PLAAT2: variants seen among roughly 807,000 people sequenced by gnomAD.
PLAAT2 encodes phospholipase A and acyltransferase 2.
In PLAAT2, 12 loss-of-function variants were observed where a neutral mutation model predicts 12.8. The ratio of observed to expected loss-of-function variants is 0.94; its 90% CI spans 0.60 to 1.52. The LOEUF (loss-of-function observed/expected upper bound fraction) is 1.52, where lower values mean the gene tolerates loss of function less well. Ranked by LOEUF, PLAAT2 falls within the 40% of genes most tolerant of loss-of-function variation. The pLI is 0.00. For synonymous variants in PLAAT2, 79 were observed against 86.8 expected (o/e 0.91, Z 0.50); for missense variants, 166 against 208.1 (o/e 0.80, Z 1.24).
In PLAAT2 at chr11:63,563,315, C is replaced by G. The variant is rs1390985591; in HGVS notation, c.9+1G>C. ...CTTTAAAACCGTTTCTGGGGACTTA[C>G]CAAAGCCATCCTTCCTTCAAGATGA... is the stretch of plus-strand genomic sequence containing the variant. On this transcript the variant is annotated splice_donor_variant, in intron 1 of 3. Transcript: ENST00000255695. LOFTEE classifies it high-confidence loss of function. The G allele has an allele frequency of 6.2e-7, 1 of 1,614,124 alleles. No homozygotes were observed.
At chr11:63,553,701 G>A (rs544319260) in intron 3 of PLAAT2, among the ~76,000 whole-genome samples, 1 of 152,136 alleles carries the variant, frequency 6.6e-6, no homozygotes, top group Non-Finnish European at 1.5e-5. Context: ...CCCCAGCAAG[G>A]ACAGAGGGGC....
chr11:63,561,795 TA>T (rs1446996308), intron 1 of PLAAT2, among the ~76,000 whole-genome samples: 2 of 150,930 alleles, frequency 1.3e-5, no homozygotes, highest in South Asian at 4.2e-4. Flanking sequence ...CCTCGAAATT[TA>T]AAAAAAAGTA....
intron 3 of PLAAT2, among the ~76,000 whole-genome samples, chr11:63,555,207 G>C (rs1362449125): frequency 1.3e-5 from 2 of 152,166 alleles, no homozygotes; most frequent in Non-Finnish European, 2.9e-5. Flanking sequence ...CAAAGGACTG[G>C]CTCTCAGGTC....
At chr11:63,554,685 C>A (rs1355068960) in intron 3 of PLAAT2, among the ~76,000 whole-genome samples, 1 of 150,434 alleles carries the variant, frequency 6.6e-6, no homozygotes, top group Non-Finnish European at 1.5e-5. Flanking sequence ...TGACAAGTGA[C>A]AAGGCTCAGA....
intron 3 of PLAAT2, 147 bp downstream of exon 3, chr11:63,558,245 A>T (rs2017485291): frequency 3.5e-6 from 3 of 863,892 alleles, no homozygotes; most frequent in South Asian, 1.7e-5. Flanking sequence ...CCCAAATGTG[A>T]CACCCTCAAG....
At chr11:63,564,639 G>T (rs1488412175), upstream of PLAAT2, among the ~76,000 whole-genome samples, 2 of 152,190 alleles carry the variant, frequency 1.3e-5, no homozygotes, top group African/African-American at 2.4e-5. Flanking sequence ...ATTCTCCTCT[G>T]AGTTGCAGTG....
chr11:63,561,623 C>T (rs534249517), intron 1 of PLAAT2, among the ~76,000 whole-genome samples: 5 of 109,826 alleles, frequency 4.6e-5, no homozygotes, highest in Admixed American at 2.9e-4. Flanking sequence ...CCAGCCTGGG[C>T]GATAGAGTGA....
At chr11:63,564,457 TAAAC>T (rs926389964), upstream of PLAAT2, among the ~76,000 whole-genome samples, 2 of 152,076 alleles carry the variant, frequency 1.3e-5, no homozygotes, top group Non-Finnish European at 2.9e-5. Flanking sequence ...CTTCAGGCTA[TAAAC>T]AAACAAACAA....
intron 3 of PLAAT2, 31 bp from the exon 4 acceptor site, chr11:63,553,096 AG>A: frequency 6.8e-7 from 1 of 1,461,892 alleles, no homozygotes. Context: ...GAGCACACTC[AG>A]CATCAGGGCG....
At chr11:63,562,209 G>A (rs1177691151) in intron 1 of PLAAT2, among the ~76,000 whole-genome samples, 1 of 152,190 alleles carries the variant, frequency 6.6e-6, no homozygotes, top group Non-Finnish European at 1.5e-5. Context: ...GATGGTCAAA[G>A]GGGACATTAG....
intron 3 of PLAAT2, 77 bp from the exon 4 acceptor site, chr11:63,553,142 A>T (rs1356114099): frequency 1.2e-6 from 1 of 862,076 alleles, no homozygotes; most frequent in East Asian, 2.5e-5. Flanking sequence ...ACTACAGCTC[A>T]GGAAAGACTC....
chr11:63,558,558 T>C lies in PLAAT2; in HGVS notation c.221A>G (p.Tyr74Cys), dbSNP rs1565240316. ...LLSVVAGGDNYRVNNKHDDRY... is the reference protein window; with the variant it reads ...LLSVVAGGDNCRVNNKHDDRY... ...GTCATCGTGCTTGTTATTGACCCTG[T>C]AGTTGTCTCCCCCAGCCACCACAGA... Residue 74 changes from tyrosine (Y) to cysteine (C), a missense_variant, in exon 3 of 4, where the codon TAC becomes TGC. Transcript: ENST00000255695. The C allele has an allele frequency of 1.9e-6, 3 of 1,614,226 alleles. No homozygotes were observed. Among genetic ancestry groups the C allele is most frequent in the Non-Finnish European group, 2.5e-6 (3 of 1,180,028 alleles).
At chr11:63,554,571 T>G (rs951646537) in intron 3 of PLAAT2, among the ~76,000 whole-genome samples, 4 of 149,152 alleles carry the variant, frequency 2.7e-5, no homozygotes, top group Non-Finnish European at 5.9e-5. Flanking sequence ...GAGGTTGCAG[T>G]GAGCCAAGAT....
In PLAAT2 at chr11:63,558,327, C is replaced by A. The variant is rs924925227; in HGVS notation, c.387+65G>T. 10 of 1,578,444 alleles carry A rather than the reference C, an allele frequency of 6.3e-6. No individual in the cohort carries two copies. In the Admixed American group the frequency reaches 1.0e-4, roughly 16 times the overall value. ...CATCCCACCCTGGCCCCAGCAGGGA[C>A]CCAGCCTCTGGCAGCTGAGGGAGTG... On this transcript the variant is annotated intron_variant, in intron 3 of 3. Transcript: ENST00000255695.
intron 1 of PLAAT2, among the ~76,000 whole-genome samples, chr11:63,562,532 T>C (rs753699271): frequency 2.0e-5 from 3 of 152,226 alleles, no homozygotes; most frequent in Non-Finnish European, 2.9e-5. Context: ...CATTCTTTCT[T>C]TTTTAAGTCG....
rs1176787180 is a variant in PLAAT2, at chr11:63,552,917, A to T, written c.*47T>A. 2 of 1,288,598 alleles carry T rather than the reference A, an allele frequency of 1.6e-6. No individual in the cohort carries two copies. Among genetic ancestry groups the T allele is most frequent in the Admixed American group, 1.7e-5 (1 of 58,946 alleles). 79.8% of individuals were successfully genotyped at this position (1,288,598 alleles called of 1,614,324 possible). A position where few individuals can be genotyped will look rare whatever the true frequency, so the allele number is the denominator to read the frequency against. On this transcript the variant is annotated 3_prime_UTR_variant, in exon 4 of 4. Transcript: ENST00000255695. ...CAAACTCCACTCCTGCTGGCTAAAT[A>T]ATATTCCTCCGTAAGAATTGGTGGT...
intron 3 of PLAAT2, among the ~76,000 whole-genome samples, chr11:63,553,472 C>G (rs1298490856): frequency 6.7e-6 from 1 of 149,960 alleles, no homozygotes; most frequent in Non-Finnish European, 1.5e-5. Context: ...AGACCCCCAT[C>G]TCTACAAAAA....
intron 3 of PLAAT2, among the ~76,000 whole-genome samples, chr11:63,553,505 T>A (rs575547122): frequency 1.3e-4 from 19 of 148,228 alleles, no homozygotes; most frequent in Non-Finnish European, 2.4e-4. Flanking sequence ...AAAAAACAGC[T>A]GAGTCCAGGT....
intron 3 of PLAAT2, among the ~76,000 whole-genome samples, chr11:63,553,553 G>C (rs994038800): frequency 3.9e-5 from 6 of 152,186 alleles, no homozygotes; most frequent in African/African-American, 7.2e-5. Context: ...AGGAGGCTGA[G>C]GCAGGAAGAT....
Sources: gnomAD v4.1 joint callset for allele counts (sites outside exome capture counted in the v4.1 genomes callset) on GRCh38, gnomAD v4.1.1 for gene constraint, MANE v1.5 for transcripts, NCBI Gene and HGNC (gene_info 2026-07-23, HGNC 2026-07-21) for gene names.